The following TBC1D24 variants were observed in gnomAD, a reference collection of about 807,000 sequenced individuals.
TBC1D24 encodes the protein Infantile myoclonic epilepsy.
A neutral mutation model predicts 50.7 loss-of-function variants in TBC1D24; 47 were observed. That is an observed-to-expected ratio of 0.93 (90% CI 0.73 to 1.18). The LOEUF (loss-of-function observed/expected upper bound fraction) is 1.18, where lower values mean the gene tolerates loss of function less well. TBC1D24 is among the 50% of genes most tolerant of loss of function. The pLI, the probability that TBC1D24 is intolerant of heterozygous loss-of-function variation, is 0.00. For synonymous variants in TBC1D24, 324 were observed against 335.2 expected, an observed-to-expected ratio of 0.97 and a Z score of 0.36; for missense variants, 688 against 766.5, an observed-to-expected ratio of 0.90 and a Z score of 1.21.
Position 2,500,792 on chromosome 16 carries a change from A to G in TBC1D24, c.1526-12A>G. 6.2e-7 allele frequency: 1 copy of G among 1,600,432 alleles called. No individual in the cohort carries two copies. The highest frequency in any genetic ancestry group is 8.5e-7 in the Non-Finnish European group (1 of 1,178,840). Reference sequence around the variant, plus strand: ...GGGCAGTCAGGCCGCCACTGACCTGAGCATCCTGCAGGGGGAGGAGGCGGC... The same window carrying G: ...GGGCAGTCAGGCCGCCACTGACCTGGGCATCCTGCAGGGGGAGGAGGCGGC... On this transcript the variant is annotated splice_polypyrimidine_tract_variant and intron_variant, in intron 7 of 7. Coordinates refer to ENST00000646147, the MANE Select transcript of TBC1D24 (RefSeq NM_001199107.2). The surrounding 1 kb of genome is among the most constrained non-coding windows in gnomAD (Gnocchi z 8.0).
Position 2,500,034 on chromosome 16 carries a change from A to C in TBC1D24, c.1302+104A>C, listed in dbSNP as rs1596972336. The C allele has an allele frequency of 9.0e-7, 1 of 1,113,080 alleles. No homozygotes were observed. 69.0% of individuals were successfully genotyped at this position (1,113,080 alleles called of 1,614,324 possible). ...GGACACTGTTGGGTGTCGCCATGGC[A>C]GTCACCCAGCAGCGTCATCGCCCTG... is the stretch of plus-strand genomic sequence containing the variant. On this transcript the variant is annotated intron_variant, in intron 6 of 7. Transcript: ENST00000646147. This position sits in a 1 kb window ranked among gnomAD's most constrained non-coding sequence, Gnocchi z 8.0.
In TBC1D24 at chr16:2,504,449, C is replaced by G. The variant is rs886051867; in HGVS notation, c.*3491C>G. The G allele has an allele frequency of 1.6e-5, 2 of 128,386 alleles. No individual in the cohort carries two copies. Among genetic ancestry groups the G allele is most frequent in the East Asian group, 4.3e-4 (2 of 4,680 alleles). 8.0% of individuals were successfully genotyped at this position (128,386 alleles called of 1,614,324 possible). On this transcript the variant is annotated 3_prime_UTR_variant, in exon 8 of 8. Coordinates refer to ENST00000646147, the MANE Select transcript of TBC1D24 (RefSeq NM_001199107.2). Reference sequence around the variant, plus strand: ...TTTTTTTTTTTTTGAGACAGAGTCTCGCTCTGTCGCCCAGGCTGGAGTGCA... The same window carrying G: ...TTTTTTTTTTTTTGAGACAGAGTCTGGCTCTGTCGCCCAGGCTGGAGTGCA...
chr16:2,490,723 C>G (rs1031412719), intron 1 of TBC1D24, among the ~76,000 whole-genome samples: 1 of 152,204 alleles, frequency 6.6e-6, no homozygotes, highest in South Asian at 2.1e-4. Context: ...AGGGAAGATG[C>G]ACGGCTTGTC....
At chr16:2,495,854 G>T (rs981453818) in intron 1 of TBC1D24, among the ~76,000 whole-genome samples, 180 bp from the exon 2 acceptor site, 1 of 152,034 alleles carries the variant, frequency 6.6e-6, no homozygotes, top group African/African-American at 2.4e-5. Flanking sequence ...CAGGAAGATG[G>T]TTCAAGCCAT....
At position 2,475,929 on chromosome 16, in the gene TBC1D24, G is replaced by A. The variant is rs1473088864; in HGVS notation, c.-116+759G>A. On this transcript the variant is annotated intron_variant, in intron 1 of 7. Transcript: ENST00000646147. This position sits in a 1 kb window ranked among gnomAD's most constrained non-coding sequence, Gnocchi z 4.2. ...TGTGGCCCCCGGGTTACTGCTTGCG[G>A]GGGTGATATTAAAGGTCAAAGGTTG... Among the ~76,000 whole-genome samples, 1 of 152,260 alleles carries A rather than the reference G, an allele frequency of 6.6e-6. No individual in the cohort carries two copies. The highest frequency in any genetic ancestry group is 1.5e-5 in the Non-Finnish European group (1 of 68,038).
Position 2,475,440 on chromosome 16 carries a change from G to A in TBC1D24, c.-116+270G>A, listed in dbSNP as rs2065558431. Among the ~76,000 whole-genome samples, 1 of 152,004 alleles carries A rather than the reference G, an allele frequency of 6.6e-6. No homozygotes were observed. Among genetic ancestry groups the A allele is most frequent in the Admixed American group, 6.5e-5 (1 of 15,278 alleles). On this transcript the variant is annotated intron_variant, in intron 1 of 7. Coordinates refer to ENST00000646147, the MANE Select transcript of TBC1D24 (RefSeq NM_001199107.2). This position sits in a 1 kb window ranked among gnomAD's most constrained non-coding sequence, Gnocchi z 4.2. ...GAGGCCCGATCCCCGCCCGGTCGCT[G>A]GCCCGCGGCCCGGCCCAGGGCATGG...
At chr16:2,497,883 T>TCTGTCTGCCTGCCTCCCTGC (rs1346494602) in intron 3 of TBC1D24, among the ~76,000 whole-genome samples, 156 bp downstream of exon 3, 67 of 152,308 alleles carry the variant, frequency 4.4e-4, no homozygotes, top group African/African-American at 1.5e-3. Flanking sequence ...CTTCTGTCTG[T>TCTGTCTGCCTGCCTCCCTGC]CTGTCTGCCT....
At position 2,483,674 on chromosome 16, in the gene TBC1D24, A is replaced by T. The variant is rs992782517; in HGVS notation, c.-116+8504A>T. 6.6e-6 allele frequency: 1 copy of T among 152,260 alleles called. No homozygotes were observed. The highest frequency in any genetic ancestry group is 6.5e-5 in the Admixed American group (1 of 15,272). The allele number at this position is 152,260 out of a possible 1,614,324, so 9.4% of individuals were successfully genotyped here. Reference sequence around the variant, plus strand: ...GGACGGTGAACTTGGCCCTCAAGGGAGGGCAGCACAGAGAGGAAGGCCCTG... The same window carrying T: ...GGACGGTGAACTTGGCCCTCAAGGGTGGGCAGCACAGAGAGGAAGGCCCTG... On this transcript the variant is annotated intron_variant, in intron 1 of 7. Transcript: ENST00000646147. This position sits in a 1 kb window ranked among gnomAD's most constrained non-coding sequence, Gnocchi z 4.0.
intron 1 of TBC1D24, chr16:2,481,897 A>G (rs2065613183): frequency 6.6e-6 from 1 of 152,118 alleles, no homozygotes; most frequent in Admixed American, 6.5e-5. Context: ...TAATGGTCAT[A>G]CCCCTTCTGT....
At position 2,500,864 on chromosome 16, in the gene TBC1D24, A is replaced by T; in HGVS notation, c.1586A>T (p.His529Leu). 1 of 1,612,670 alleles carries T rather than the reference A, an allele frequency of 6.2e-7. No individual in the cohort carries two copies. The highest frequency in any genetic ancestry group is 8.5e-7 in the Non-Finnish European group (1 of 1,179,956). ...DGDLNRGRTSHCDTFNNQPLC... is the reference protein window; with the variant it reads ...DGDLNRGRTSLCDTFNNQPLC... Reference sequence around the variant, plus strand: ...GACCTGAACCGGGGCCGCACAAGCCACTGCGACACCTTCAACAACCAGCCC... The same window carrying T: ...GACCTGAACCGGGGCCGCACAAGCCTCTGCGACACCTTCAACAACCAGCCC... Residue 529 changes from histidine to leucine, a missense_variant, in exon 8 of 8, where the codon CAC becomes CTC. Transcript: ENST00000646147. This position sits in a 1 kb window ranked among gnomAD's most constrained non-coding sequence, Gnocchi z 8.0.
Position 2,496,667 on chromosome 16 carries a change from C to T in TBC1D24, c.519C>T (p.Phe173=), listed in dbSNP as rs763534843. The part of the protein sequence containing the change: ...DPGRRLIDQS[F]LAFESSCMTF... ...GCAGGAGGCTGATCGACCAGAGCTTCCTGGCCTTTGAGTCGTCCTGCATGA... is the reference window on the plus strand; with the variant it reads ...GCAGGAGGCTGATCGACCAGAGCTTTCTGGCCTTTGAGTCGTCCTGCATGA... Residue 173 remains phenylalanine, a synonymous_variant, in exon 2 of 8, where the codon TTC becomes TTT. Transcript: ENST00000646147. 5.6e-6 allele frequency: 9 copies of T among 1,613,052 alleles called. No individual in the cohort carries two copies. The African/African-American group carries it at 1.2e-4, about 22-fold the overall frequency.
intron 1 of TBC1D24, among the ~76,000 whole-genome samples, chr16:2,489,038 C>T (rs2065674768): frequency 6.7e-6 from 1 of 149,156 alleles, no homozygotes; most frequent in African/African-American, 2.5e-5. Flanking sequence ...CCACTGTATT[C>T]CAGCTTGGGT....
At position 2,498,392 on chromosome 16, in the gene TBC1D24, G is replaced by A; in HGVS notation, c.1138G>A (p.Ala380Thr). 6.2e-7 allele frequency: 1 copy of A among 1,604,172 alleles called. No homozygotes were observed. The highest frequency in any genetic ancestry group is 1.7e-5 in the Admixed American group (1 of 58,758). Residue 380 changes from alanine to threonine, a missense_variant, in exon 4 of 8, where the codon GCC becomes ACC. Physicochemically the swap from Ala to Thr is moderately conservative, Grantham distance 58 (BLOSUM62 0). Coordinates refer to ENST00000646147, the MANE Select transcript of TBC1D24 (RefSeq NM_001199107.2). ...CTCCCTGCAGCACGGGTACAGCCTG[G>A]CCAGGTAACACCCCAAGGGGCCAGA... ...FSSLQHGYSL[A>T]RFYFQCEGHE...
intron 1 of TBC1D24, among the ~76,000 whole-genome samples, chr16:2,490,657 G>A (rs923283771): frequency 6.6e-6 from 1 of 152,230 alleles, no homozygotes; most frequent in African/African-American, 2.4e-5. Context: ...ACTGTTGCCC[G>A]TGAGGAGTTG....
rs1387464422 is a variant in TBC1D24 at position 2,500,933 on chromosome 16, G to T, written c.1655G>T (p.Gly552Val). 3 of 1,611,972 alleles carry T rather than the reference G, an allele frequency of 1.9e-6. No homozygotes were observed. The highest frequency in any genetic ancestry group is 1.3e-5 in the African/African-American group (1 of 74,938). Residue 552 changes from glycine to valine, a missense_variant, in exon 8 of 8, where the codon GGC becomes GTC. By Grantham distance (109) the Gly-to-Val change is moderately radical. Coordinates refer to ENST00000646147, the MANE Select transcript of TBC1D24 (RefSeq NM_001199107.2). The surrounding 1 kb of genome is among the most constrained non-coding windows in gnomAD (Gnocchi z 8.0). The part of the protein sequence containing the change: ...NFLIAAVEAW[G>V]FQDPDTQ ...CTCATTGCTGCCGTGGAGGCCTGGGGCTTCCAGGACCCTGACACCCAGTGA... is the reference window on the plus strand; with the variant it reads ...CTCATTGCTGCCGTGGAGGCCTGGGTCTTCCAGGACCCTGACACCCAGTGA...
Position 2,501,286 on chromosome 16 carries a change from C to G in TBC1D24, c.*328C>G, listed in dbSNP as rs2065792024. ...TTGGGAGTGTCTGGGTCTTGCTGCC[C>G]CTGAGCCTCTCTAGGCAGCCTGAGC... On this transcript the variant is annotated 3_prime_UTR_variant, in exon 8 of 8. Coordinates refer to ENST00000646147, the MANE Select transcript of TBC1D24 (RefSeq NM_001199107.2). 7.5e-6 allele frequency: 3 copies of G among 401,638 alleles called. No individual in the cohort carries two copies. Among genetic ancestry groups the G allele is most frequent in the Non-Finnish European group, 1.4e-5 (3 of 215,014 alleles). The allele number at this position is 401,638 out of a possible 1,614,324, so 24.9% of individuals were successfully genotyped here.
In TBC1D24 at chr16:2,496,076, G is replaced by T. The variant is rs529592659; in HGVS notation, c.-73G>T. 2.5e-6 allele frequency: 4 copies of T among 1,590,326 alleles called. No individual in the cohort carries two copies. Among genetic ancestry groups the T allele is most frequent in the South Asian group, 2.2e-5 (2 of 89,038 alleles). On this transcript the variant is annotated 5_prime_UTR_variant, in exon 2 of 8. Coordinates refer to ENST00000646147, the MANE Select transcript of TBC1D24 (RefSeq NM_001199107.2). Reference sequence around the variant, plus strand: ...AGGTTTGCAGGAAACCCTCAGAAAGGGGGCTGGAGGATTTAGCCACTCTGT... The same window carrying T: ...AGGTTTGCAGGAAACCCTCAGAAAGTGGGCTGGAGGATTTAGCCACTCTGT...
rs112220221 is a variant in TBC1D24, at chr16:2,487,951, G to A, written c.-115-8083G>A. Among the ~76,000 whole-genome samples, 3 of 152,370 alleles carry A rather than the reference G, an allele frequency of 2.0e-5. No individual in the cohort carries two copies. The highest frequency in any genetic ancestry group is 7.2e-5 in the African/African-American group (3 of 41,600). ...CAGCAGCCAGCAGCTGTGGGGTTGT[G>A]TTCCGCCCCGAGGCTGGGGTGAGCT... On this transcript the variant is annotated intron_variant, in intron 1 of 7. Coordinates refer to ENST00000646147, the MANE Select transcript of TBC1D24 (RefSeq NM_001199107.2). The surrounding 1 kb of genome is among the most constrained non-coding windows in gnomAD (Gnocchi z 4.1).
In TBC1D24 at chr16:2,500,179, A is replaced by G. The variant is rs2065779425; in HGVS notation, c.1303-89A>G. The stretch of plus-strand genomic sequence containing the variant: ...TGCACCCACCTTGGGCTCTGGGTGC[A>G]GATTCACGGGATGAAACGGGTTGTG... On this transcript the variant is annotated intron_variant, in intron 6 of 7. Coordinates refer to ENST00000646147, the MANE Select transcript of TBC1D24 (RefSeq NM_001199107.2). The surrounding 1 kb of genome is among the most constrained non-coding windows in gnomAD (Gnocchi z 8.0). The G allele has an allele frequency of 7.5e-7, 1 of 1,337,744 alleles. No homozygotes were observed. The highest frequency in any genetic ancestry group is 1.4e-5 in the African/African-American group (1 of 69,128). The allele number at this position is 1,337,744 out of a possible 1,614,324, so 82.9% of individuals were successfully genotyped here.
Sources: gnomAD v4.1 joint callset for allele counts (sites outside exome capture counted in the v4.1 genomes callset) on GRCh38, gnomAD v4.1.1 for gene constraint, Gnocchi (gnomAD v3.1) non-coding constraint, MANE v1.5 for transcripts, NCBI Gene and HGNC (gene_info 2026-07-23, HGNC 2026-07-21) for gene names.